Variants in GPHN observed in about 807,000 individuals in gnomAD.
The protein encoded by GPHN is gephyrin.
In GPHN, 17 loss-of-function variants were observed where a neutral mutation model predicts 95.5. The ratio of observed to expected loss-of-function variants is 0.18; its 90% CI spans 0.12 to 0.27. The LOEUF (loss-of-function observed/expected upper bound fraction) is 0.27. GPHN is among the 10% of genes least tolerant of loss of function. The probability of loss-of-function intolerance (pLI) is 1.00; values close to 1 mark genes in which losing one functional copy is unlikely to be tolerated. For missense variants in GPHN, 660 were observed against 978.1 expected, an observed-to-expected ratio of 0.67 and a Z score of 4.34; for synonymous variants, 320 against 322.5, an observed-to-expected ratio of 0.99 and a Z score of 0.08.
At chr14:67,174,914 T>C (rs928159871) in intron 21 of GPHN, among the ~76,000 whole-genome samples, 1 of 152,232 alleles carries the variant, frequency 6.6e-6, no homozygotes, top group Non-Finnish European at 1.5e-5. Flanking sequence ...CTTTGCCCAC[T>C]TTTTGATGGG....
chr14:67,440,179 G>A, the GPHN span, among the ~76,000 whole-genome samples: 3 of 152,164 alleles, frequency 2.0e-5, no homozygotes, highest in East Asian at 3.8e-4. Flanking sequence ...TCTTTATTGT[G>A]TTGGTGATGA....
At chr14:67,701,390 A>G in the GPHN span, among the ~76,000 whole-genome samples, 5 of 148,852 alleles carry the variant, frequency 3.4e-5, no homozygotes, top group Non-Finnish European at 7.4e-5. Flanking sequence ...TCACATATAC[A>G]TTTAAAAAAA....
intron 3 of GPHN, among the ~76,000 whole-genome samples, chr14:66,813,395 A>G (rs1179874991): frequency 6.6e-6 from 1 of 152,214 alleles, no homozygotes; most frequent in African/African-American, 2.4e-5. Flanking sequence ...GAGAAGACAT[A>G]GAAGCTGGGC....
chr14:67,307,919 T>C, the GPHN span, among the ~76,000 whole-genome samples: 1 of 152,148 alleles, frequency 6.6e-6, no homozygotes, highest in Non-Finnish European at 1.5e-5. Flanking sequence ...AATGAGATCA[T>C]ATCCTTTGCA....
At chr14:67,685,770 C>T in the GPHN span, among the ~76,000 whole-genome samples, 2 of 152,098 alleles carry the variant, frequency 1.3e-5, no homozygotes, top group Non-Finnish European at 2.9e-5. Flanking sequence ...GGTGCGCCAC[C>T]ACACCAGGCT....
At chr14:67,157,085 C>T (rs2081638931) in intron 18 of GPHN, among the ~76,000 whole-genome samples, 1 of 151,192 alleles carries the variant, frequency 6.6e-6, no homozygotes, top group Non-Finnish European at 1.5e-5. Flanking sequence ...TTATAAGAGA[C>T]ACATCTTAAA....
intron 16 of GPHN, among the ~76,000 whole-genome samples, chr14:67,114,917 T>C (rs2078588612): frequency 6.6e-6 from 1 of 152,136 alleles, no homozygotes; most frequent in African/African-American, 2.4e-5. Context: ...AGAATAGAGA[T>C]GGTATTATAT....
At chr14:67,619,348 ACCTAAGGTAGATGGCTCTTTATAAACGTG>A in the GPHN span, among the ~76,000 whole-genome samples, 1 of 152,258 alleles carries the variant, frequency 6.6e-6, no homozygotes, top group East Asian at 1.9e-4. Context: ...CATTCAAAAT[ACCTAAGGTAGATGGCTCTTTATAAACGTG>A]CCCGGCTCAG....
At chr14:67,496,795 T>TCTC in the GPHN span, among the ~76,000 whole-genome samples, 1 of 69,108 alleles carries the variant, frequency 1.4e-5, no homozygotes, top group African/African-American at 4.1e-5. Context: ...TCTGTCTTTC[T>TCTC]TTCTTGCTTG....
chr14:67,144,250 AATATATATATATAT>A (rs71129810), intron 18 of GPHN, among the ~76,000 whole-genome samples: 8 of 57,772 alleles, frequency 1.4e-4, no homozygotes, highest in South Asian at 7.5e-4. Context: ...AAAAAAAAAA[AATATATATATATAT>A]ATATATATAT....
chr14:67,397,521 G>C, the GPHN span: 1 of 653,794 alleles, frequency 1.5e-6, no homozygotes, highest in South Asian at 2.3e-5. Flanking sequence ...TACCTGGTAT[G>C]TGGCGGAGCC....
intron 1 of GPHN, among the ~76,000 whole-genome samples, chr14:66,624,302 G>T (rs1017865489): frequency 6.6e-6 from 1 of 152,162 alleles, no homozygotes; most frequent in Non-Finnish European, 1.5e-5. Flanking sequence ...TATAGCCCTT[G>T]ACATGTGCCT....
chr14:66,699,069 T>A (rs190915391), intron 2 of GPHN, among the ~76,000 whole-genome samples: 1 of 152,232 alleles, frequency 6.6e-6, no homozygotes, highest in South Asian at 2.1e-4. Context: ...TACTGAGCTA[T>A]GATTTAAACT....
chr14:66,755,789 A>G (rs2058534360), intron 2 of GPHN, among the ~76,000 whole-genome samples: 1 of 152,160 alleles, frequency 6.6e-6, no homozygotes, highest in Non-Finnish European at 1.5e-5. Flanking sequence ...TTGGAAAGGT[A>G]CTAATTTAAA....
intron 8 of GPHN, among the ~76,000 whole-genome samples, chr14:66,940,680 C>T (rs1832082816): frequency 1.3e-5 from 2 of 152,206 alleles, no homozygotes; most frequent in African/African-American, 4.8e-5. Flanking sequence ...TGCTCACCTG[C>T]ATTGTGCCTT....
chr14:67,122,286 G>A lies in GPHN; in HGVS notation c.1657G>A (p.Gly553Arg). The A allele has an allele frequency of 6.2e-7, 1 of 1,613,416 alleles. No individual in the cohort carries two copies. The highest frequency in any genetic ancestry group is 8.5e-7 in the Non-Finnish European group (1 of 1,179,494). The part of the protein sequence containing the change: ...LLNPEDDLLP[G>R]KIRDSNRSTL... ...AAATCCTGAAGATGACCTCTTACCA[G>A]GGAAGATTCGAGACAGCAATCGTTC... The change falls in exon 17 of 23, where the codon GGG becomes AGG. Residue 553 changes from glycine to arginine, a missense_variant. By Grantham distance (125) the Gly-to-Arg change is moderately radical. Around this residue, in one of 6 missense-constraint regions of GPHN, gnomAD observed 257 missense variants for 376.2 expected, o/e 0.68. Transcript: ENST00000478722.
intron 17 of GPHN, among the ~76,000 whole-genome samples, chr14:67,129,467 A>G (rs574169318): frequency 6.6e-6 from 1 of 152,346 alleles, no homozygotes; most frequent in Non-Finnish European, 1.5e-5. Context: ...AAGATTATAG[A>G]AAACATACTT....
the GPHN span, among the ~76,000 whole-genome samples, chr14:67,499,071 T>C: frequency 5.3e-5 from 8 of 151,996 alleles, no homozygotes; most frequent in South Asian, 2.1e-4. Context: ...GGTGTGATCA[T>C]AGGTCACCAT....
intron 20 of GPHN, among the ~76,000 whole-genome samples, chr14:67,166,211 A>G (rs1365506461): frequency 6.6e-6 from 1 of 152,236 alleles, no homozygotes; most frequent in Non-Finnish European, 1.5e-5. Context: ...ATCATGTAGA[A>G]AATTTTCAGA....
Sources: gnomAD v4.1 joint callset for allele counts (sites outside exome capture counted in the v4.1 genomes callset) on GRCh38, gnomAD v4.1.1 for gene constraint, gnomAD v4.1.1 regional missense constraint, MANE v1.5 for transcripts, NCBI Gene and HGNC (gene_info 2026-07-23, HGNC 2026-07-21) for gene names.